The following ZSCAN18 variants were observed in gnomAD, a reference collection of about 807,000 sequenced individuals.
ZSCAN18 encodes the protein zinc finger and SCAN domain-containing protein 18.
In ZSCAN18, 16 loss-of-function variants were observed where a neutral mutation model predicts 31.1. The observed-to-expected ratio is 0.51, with a 90% CI of 0.35 to 0.78. The LOEUF (loss-of-function observed/expected upper bound fraction) is 0.78, where lower values mean the gene tolerates loss of function less well. Among genes scored for constraint, ZSCAN18 ranks in the 30% least tolerant of loss-of-function variants. ZSCAN18 has a pLI of 0.01. For synonymous variants in ZSCAN18, 375 were observed against 320.7 expected (o/e 1.17, Z -1.81); for missense variants, 731 against 697.4 (o/e 1.05, Z -0.54).
intron 1 of ZSCAN18, among the ~76,000 whole-genome samples, chr19:58,113,146 T>A (rs2074701034): frequency 6.7e-6 from 1 of 149,214 alleles, no homozygotes; most frequent in Non-Finnish European, 1.5e-5. Context: ...AAACCCCATC[T>A]CTACTCAAAA....
Position 58,084,438 on chromosome 19 carries a change from T to G in ZSCAN18, c.*247A>C. The G allele has an allele frequency of 4.6e-6, 2 of 438,334 alleles. No individual in the cohort carries two copies. Among genetic ancestry groups the G allele is most frequent in the Admixed American group, 8.1e-5 (2 of 24,790 alleles). 27.2% of individuals were successfully genotyped at this position (438,334 alleles called of 1,614,324 possible). The stretch of plus-strand genomic sequence containing the variant: ...TAAATGGCTGCAGGAAAGCCGAGTC[T>G]TCTTCCACATCCGGCGGCTCCCCTC... On this transcript the variant is annotated 3_prime_UTR_variant, in exon 7 of 7. Coordinates refer to ENST00000601144, the MANE Select transcript of ZSCAN18 (RefSeq NM_001145543.2). This position sits in a 1 kb window ranked among gnomAD's most constrained non-coding sequence, Gnocchi z 4.5.
chr19:58,085,251 C>G lies in ZSCAN18; in HGVS notation c.967G>C (p.Glu323Gln). 6.2e-7 allele frequency: 1 copy of G among 1,605,852 alleles called. No individual in the cohort carries two copies. Among genetic ancestry groups the G allele is most frequent in the Non-Finnish European group, 8.5e-7 (1 of 1,178,582 alleles). Reference sequence around the variant, plus strand: ...TTCCCAGGCTGCTCTTCCTCCTCCTCAGTGGTGCCCGACGGGGGATCGGCA... The same window carrying G: ...TTCCCAGGCTGCTCTTCCTCCTCCTGAGTGGTGCCCGACGGGGGATCGGCA... ...ALADPPSGTTEEEEEQPGKAP... is the reference protein window; with the variant it reads ...ALADPPSGTTQEEEEQPGKAP... The change falls in exon 7 of 7, where the codon GAG becomes CAG. Residue 323 changes from glutamate (E) to glutamine (Q), a missense_variant. Coordinates refer to ENST00000601144, the MANE Select transcript of ZSCAN18 (RefSeq NM_001145543.2).
chr19:58,086,684 G>A (rs1456353797), intron 5 of ZSCAN18: 3 of 519,732 alleles, frequency 5.8e-6, no homozygotes, highest in African/African-American at 3.9e-5. Context: ...TCCAAATTCC[G>A]AGGCTTCAGT....
rs750087617 is a variant in ZSCAN18 at position 58,084,934 on chromosome 19, C to T, written c.1284G>A (p.Leu428=). 2 of 1,597,214 alleles carry T rather than the reference C, an allele frequency of 1.3e-6. No individual in the cohort carries two copies. The highest frequency in any genetic ancestry group is 2.2e-5 in the South Asian group (2 of 88,914). ...CGEAFAWLSH[L]MEHHSSHGGR... ...CGCCATGGCTGCTGTGGTGCTCCATCAGGTGCGAGAGCCACGCGAAGGCCT... is the reference window on the plus strand; with the variant it reads ...CGCCATGGCTGCTGTGGTGCTCCATTAGGTGCGAGAGCCACGCGAAGGCCT... Residue 428 remains leucine (L), a synonymous_variant, in exon 7 of 7, where the codon CTG becomes CTA. Transcript: ENST00000601144. This position sits in a 1 kb window ranked among gnomAD's most constrained non-coding sequence, Gnocchi z 4.5.
upstream of ZSCAN18, among the ~76,000 whole-genome samples, chr19:58,099,744 A>G (rs7507609): frequency 0.36 from 55,204 of 152,052 alleles, 11,319 homozygotes; most frequent in South Asian, 0.51. Flanking sequence ...TCACATTTTT[A>G]TCAGCATTTG....
intron 6 of ZSCAN18, 21 bp downstream of exon 6, chr19:58,086,153 A>C: frequency 6.2e-7 from 1 of 1,612,766 alleles, no homozygotes; most frequent in Non-Finnish European, 8.5e-7. Flanking sequence ...CGGCCCTAAC[A>C]CCAATTCAAC....
chr19:58,088,518 A>G, intron 3 of ZSCAN18, 170 bp downstream of exon 3: 1 of 621,462 alleles, frequency 1.6e-6, no homozygotes, highest in Non-Finnish European at 2.8e-6. Context: ...GACTAATTTA[A>G]TAAACAATGT....
At chr19:58,104,394 A>G (rs2146020544) in intron 1 of ZSCAN18, among the ~76,000 whole-genome samples, 2 of 135,066 alleles carry the variant, frequency 1.5e-5, no homozygotes, top group East Asian at 4.0e-4. Context: ...AAACAAAACA[A>G]AACAAAACAA....
upstream of ZSCAN18, among the ~76,000 whole-genome samples, chr19:58,100,071 A>G (rs1013020846): frequency 6.7e-6 from 1 of 148,882 alleles, no homozygotes; most frequent in African/African-American, 2.5e-5. Context: ...AGTGATCCTC[A>G]CCTCAGCCTC....
At chr19:58,105,644 G>C (rs909589494) in intron 1 of ZSCAN18, among the ~76,000 whole-genome samples, 2 of 152,098 alleles carry the variant, frequency 1.3e-5, no homozygotes, top group African/African-American at 2.4e-5. Context: ...CTGGGCAACA[G>C]AGTGAGACTC....
At chr19:58,111,255 T>C in intron 1 of ZSCAN18, among the ~76,000 whole-genome samples, 1 of 152,232 alleles carries the variant, frequency 6.6e-6, no homozygotes. Context: ...GAACTCCATG[T>C]GAGCAGGATT....
chr19:58,098,459 G>A (rs561305902), upstream of ZSCAN18: 1 of 774,028 alleles, frequency 1.3e-6, no homozygotes, highest in Admixed American at 6.2e-5. Context: ...ATAGACCCCT[G>A]ACAGCCAGAG....
upstream of ZSCAN18, chr19:58,098,242 CTG>C: frequency 1.0e-6 from 1 of 985,512 alleles, no homozygotes; most frequent in Non-Finnish European, 1.2e-6. Flanking sequence ...GGCCGGCAAA[CTG>C]CGCCTGCGCA....
At chr19:58,098,479 A>G, upstream of ZSCAN18, 4 of 678,410 alleles carry the variant, frequency 5.9e-6, no homozygotes, top group Non-Finnish European at 7.3e-6. Context: ...GACCCGGAGA[A>G]ACAAAGACGG....
At chr19:58,097,007 A>G (rs1269820432) in intron 1 of ZSCAN18, among the ~76,000 whole-genome samples, 2 of 152,094 alleles carry the variant, frequency 1.3e-5, no homozygotes, top group Non-Finnish European at 2.9e-5. Flanking sequence ...TTCAAGCATC[A>G]TGCACAGAAA....
chr19:58,095,644 C>T (rs760174053), intron 1 of ZSCAN18, among the ~76,000 whole-genome samples: 12 of 152,160 alleles, frequency 7.9e-5, no homozygotes, highest in Non-Finnish European at 1.6e-4. Context: ...CAAGGGTCCT[C>T]GGCCATTGGC....
Position 58,084,941 on chromosome 19 carries a change from G to T in ZSCAN18, c.1277C>A (p.Ser426Ter). 6.3e-7 allele frequency: 1 copy of T among 1,597,658 alleles called. No individual in the cohort carries two copies. The highest frequency in any genetic ancestry group is 8.5e-7 in the Non-Finnish European group (1 of 1,174,438). ...GCTGCTGTGGTGCTCCATCAGGTGC[G>T]AGAGCCACGCGAAGGCCTCCCCGCA... is the stretch of plus-strand genomic sequence containing the variant. The part of the protein sequence containing the change: ...GECGEAFAWL[S>*]HLMEHHSSHG... Residue 426 changes from serine (S) to a stop codon, truncating the protein, a stop_gained, in exon 7 of 7, where the codon TCG (serine) becomes TAG (stop). Coordinates refer to ENST00000601144, the MANE Select transcript of ZSCAN18 (RefSeq NM_001145543.2). LOFTEE classifies it low-confidence loss of function (END_TRUNC). The surrounding 1 kb of genome is among the most constrained non-coding windows in gnomAD (Gnocchi z 4.5).
chr19:58,109,303 G>A, intron 1 of ZSCAN18: 1 of 1,231,554 alleles, frequency 8.1e-7, no homozygotes, highest in East Asian at 3.2e-5. Flanking sequence ...TGTTTCCCAG[G>A]CTGGAAAGGA....
At chr19:58,100,720 T>TA (rs1250841152), upstream of ZSCAN18, among the ~76,000 whole-genome samples, 2 of 52,360 alleles carry the variant, frequency 3.8e-5, no homozygotes. Flanking sequence ...CTGGCTCTAC[T>TA]AAAAATACAA....
Sources: gnomAD v4.1 joint callset for allele counts (sites outside exome capture counted in the v4.1 genomes callset) on GRCh38, gnomAD v4.1.1 for gene constraint, Gnocchi (gnomAD v3.1) non-coding constraint, MANE v1.5 for transcripts, NCBI Gene and HGNC (gene_info 2026-07-23, HGNC 2026-07-21) for gene names.